The following WDR70 variants were observed in gnomAD, a reference collection of about 807,000 sequenced individuals.
The protein encoded by WDR70 is WD repeat-containing protein 70.
A neutral mutation model predicts 88.6 loss-of-function variants in WDR70; 53 were observed. The ratio of observed to expected loss-of-function variants is 0.60; its 90% CI spans 0.48 to 0.75. The LOEUF (loss-of-function observed/expected upper bound fraction) is 0.75, where lower values mean the gene tolerates loss of function less well. Ranked by LOEUF, WDR70 falls within the 30% of genes least tolerant of loss-of-function variation. The pLI, the probability that WDR70 is intolerant of heterozygous loss-of-function variation, is 0.00. For missense variants in WDR70, 610 were observed against 823.2 expected (o/e 0.74, Z 3.17); for synonymous variants, 280 against 270.0 (o/e 1.04, Z -0.36).
At position 37,649,733 on chromosome 5, in the gene WDR70, C is replaced by CTTTTTTTTTTTTTTT. The variant is rs70978834; in HGVS notation, c.1092+44503_1092+44517dup. 8.7e-5 allele frequency among the ~76,000 whole-genome samples: 6 copies of CTTTTTTTTTTTTTTT among 68,738 alleles called. 1 individual carries two copies. The highest frequency in any genetic ancestry group is 3.8e-4 in the African/African-American group (6 of 15,614). 45.1% of individuals were successfully genotyped at this position (68,738 alleles called of 152,430 possible). On this transcript the variant is annotated intron_variant, in intron 10 of 17. Transcript: ENST00000265107. ...ATATACATTCACGATGTTATTACTTCTTTTTTTTTTTTTTTTTTTTTTGAG... is the reference window on the plus strand; with the variant it reads ...ATATACATTCACGATGTTATTACTTCTTTTTTTTTTTTTTTTTTTTTTTTTTTTTTTTTTTTTGAG...
chr5:37,460,783 A>G (rs1365706311), intron 7 of WDR70, among the ~76,000 whole-genome samples: 2 of 151,820 alleles, frequency 1.3e-5, no homozygotes, highest in South Asian at 2.1e-4. Flanking sequence ...GGGTTTCACT[A>G]AGAAAAATTC....
chr5:37,447,342 A>G (rs191256165), intron 7 of WDR70, among the ~76,000 whole-genome samples: 2 of 152,280 alleles, frequency 1.3e-5, no homozygotes, highest in East Asian at 3.9e-4. Context: ...TATTGGTGGG[A>G]CTGTAAACTA....
chr5:37,480,977 C>A (rs1286215625), intron 8 of WDR70, among the ~76,000 whole-genome samples: 4 of 152,212 alleles, frequency 2.6e-5, no homozygotes, highest in Non-Finnish European at 5.9e-5. Context: ...AGCGAAAGAG[C>A]TACAGGCCCC....
intron 9 of WDR70, among the ~76,000 whole-genome samples, chr5:37,542,280 C>CTT (rs765831095): frequency 5.6e-4 from 81 of 144,356 alleles, no homozygotes; most frequent in Non-Finnish European, 9.9e-4. Context: ...TCTTCTTCTT[C>CTT]TTTTTTTTTT....
At chr5:37,676,061 TTG>T (rs1746195835) in intron 10 of WDR70, among the ~76,000 whole-genome samples, 1 of 145,644 alleles carries the variant, frequency 6.9e-6, no homozygotes, top group South Asian at 2.3e-4. Context: ...ATAAGAATGC[TTG>T]TGATTTTTGT....
chr5:37,523,180 T>G (rs189874861), intron 9 of WDR70, among the ~76,000 whole-genome samples: 73 of 152,322 alleles, frequency 4.8e-4, no homozygotes, highest in Middle Eastern at 3.4e-3. Context: ...ACAGACTGCC[T>G]CCTCAAGAGG....
intron 10 of WDR70, among the ~76,000 whole-genome samples, chr5:37,613,605 T>G (rs1744248142): frequency 6.6e-6 from 1 of 152,190 alleles, no homozygotes; most frequent in Non-Finnish European, 1.5e-5. Flanking sequence ...AGAGACCCTA[T>G]ATTCCAGGCA....
intron 17 of WDR70, among the ~76,000 whole-genome samples, chr5:37,745,715 A>G (rs1312678233): frequency 6.6e-6 from 1 of 152,210 alleles, no homozygotes; most frequent in African/African-American, 2.4e-5. Flanking sequence ...GAACAATTCA[A>G]CAAGAAGAGC....
At chr5:37,512,126 G>T (rs1226689117) in intron 8 of WDR70, among the ~76,000 whole-genome samples, 1 of 152,098 alleles carries the variant, frequency 6.6e-6, no homozygotes, top group East Asian at 1.9e-4. Flanking sequence ...GTGACTCGGG[G>T]TATTCCTTGG....
intron 9 of WDR70, among the ~76,000 whole-genome samples, chr5:37,551,069 C>T (rs552577813): frequency 2.4e-4 from 36 of 151,894 alleles, no homozygotes; most frequent in African/African-American, 5.1e-4. Context: ...CTTTGGGAGG[C>T]GAGGCAGGTG....
chr5:37,480,080 T>C (rs1739616650), intron 8 of WDR70, 93 bp downstream of exon 8: 2 of 1,463,600 alleles, frequency 1.4e-6, no homozygotes, highest in South Asian at 2.7e-5. Flanking sequence ...CCCCAAAAGT[T>C]AGTGTCATAA....
At chr5:37,684,371 C>T (rs931750432) in intron 10 of WDR70, among the ~76,000 whole-genome samples, 1 of 152,234 alleles carries the variant, frequency 6.6e-6, no homozygotes, top group African/African-American at 2.4e-5. Flanking sequence ...AGAAGGCACT[C>T]TGGCTTTTTG....
chr5:37,656,648 A>G (rs1390945793), intron 10 of WDR70, among the ~76,000 whole-genome samples: 1 of 152,192 alleles, frequency 6.6e-6, no homozygotes, highest in Non-Finnish European at 1.5e-5. Flanking sequence ...CCCTGCCCAG[A>G]GAGGAGAAAT....
At chr5:37,658,633 A>G (rs1254338755) in intron 10 of WDR70, among the ~76,000 whole-genome samples, 2 of 152,146 alleles carry the variant, frequency 1.3e-5, no homozygotes, top group African/African-American at 4.8e-5. Context: ...GTGAAAGCCC[A>G]TATAGTACTC....
intron 8 of WDR70, chr5:37,506,862 G>A (rs377306890): frequency 1.1e-5 from 14 of 1,219,224 alleles, no homozygotes; most frequent in Middle Eastern, 2.7e-4. Flanking sequence ...GCCTCATTGC[G>A]CTGCCCCCGG....
chr5:37,442,005 G>A (rs2112050279), intron 6 of WDR70, among the ~76,000 whole-genome samples: 1 of 150,692 alleles, frequency 6.6e-6, no homozygotes, highest in Admixed American at 6.7e-5. Context: ...CGTGTGAATT[G>A]GACCTAGGAA....
At chr5:37,508,492 G>A (rs1450873652) in intron 8 of WDR70, among the ~76,000 whole-genome samples, 1 of 152,196 alleles carries the variant, frequency 6.6e-6, no homozygotes, top group Non-Finnish European at 1.5e-5. Flanking sequence ...TGAGTAAGTT[G>A]TTTTCTGTCA....
At chr5:37,686,018 G>T (rs777238770) in intron 10 of WDR70, among the ~76,000 whole-genome samples, 11 of 152,106 alleles carry the variant, frequency 7.2e-5, no homozygotes, top group Non-Finnish European at 1.5e-4. Flanking sequence ...TGTTCCACCC[G>T]GCTGCATGTA....
At chr5:37,490,427 C>T (rs1740032610) in intron 8 of WDR70, among the ~76,000 whole-genome samples, 1 of 152,044 alleles carries the variant, frequency 6.6e-6, no homozygotes, top group African/African-American at 2.4e-5. Flanking sequence ...TGGTAGCCAT[C>T]CCAGGCAGAT....
Sources: allele counts gnomAD v4.1 joint callset (sites outside exome capture counted in the v4.1 genomes callset), GRCh38; gene constraint gnomAD v4.1.1; transcripts MANE v1.5; gene names NCBI Gene and HGNC (gene_info 2026-07-23, HGNC 2026-07-21).